Variants in ASAP1 observed in about 807,000 individuals in gnomAD.
ASAP1 encodes the protein ArfGAP with SH3 domain, ankyrin repeat and PH domain 1.
Under a neutral mutation model 145.2 loss-of-function variants are expected in ASAP1, and 43 were observed. The observed-to-expected ratio is 0.30, with a 90% CI of 0.23 to 0.38. The LOEUF (loss-of-function observed/expected upper bound fraction) is 0.38, where lower values mean the gene tolerates loss of function less well. Ranked by LOEUF, ASAP1 falls within the 10% of genes least tolerant of loss-of-function variation. The pLI is 1.00. For missense variants in ASAP1, 1,018 were observed against 1,355.3 expected (o/e 0.75, Z 3.91); for synonymous variants, 546 against 515.5 (o/e 1.06, Z -0.80).
At chr8:130,187,190 A>G (rs762768052) in intron 7 of ASAP1, 46 bp downstream of exon 7, 1 of 1,526,224 alleles carries the variant, frequency 6.6e-7, no homozygotes, top group Non-Finnish European at 8.9e-7. Context: ...AAAATTCACA[A>G]CAATATTAAA....
At chr8:130,191,673 C>A (rs949958004) in intron 5 of ASAP1, among the ~76,000 whole-genome samples, 65 of 152,180 alleles carry the variant, frequency 4.3e-4, no homozygotes, top group African/African-American at 1.4e-3. Context: ...CCCTCTTAAC[C>A]ACATCTGTAA....
chr8:130,271,875 T>C (rs1284496593), intron 3 of ASAP1, among the ~76,000 whole-genome samples: 9 of 152,202 alleles, frequency 5.9e-5, no homozygotes, highest in Admixed American at 5.2e-4. Context: ...TCCTCCCATT[T>C]TGTTATTTTT....
chr8:130,438,923 A>C (rs1227390351), intron 1 of ASAP1, among the ~76,000 whole-genome samples: 1 of 152,184 alleles, frequency 6.6e-6, no homozygotes. Flanking sequence ...CCAGGCTGCA[A>C]AGATATCCTC....
chr8:130,153,359 G>GTATATA lies in ASAP1; in HGVS notation c.1011-560_1011-555dup, dbSNP rs1208128915. On this transcript the variant is annotated intron_variant, in intron 12 of 29. Transcript: ENST00000518721. ...TATATATATATATATATATATATAT[G>GTATATA]TATATATATATATATATATATATAT... Among the ~76,000 whole-genome samples, 81 of 28,926 alleles carry GTATATA rather than the reference G, an allele frequency of 2.8e-3. 1 individual carries two copies. The East Asian group carries it at 0.049, about 18-fold the overall frequency. The allele number at this position is 28,926 out of a possible 152,430, so 19.0% of individuals were successfully genotyped here.
intron 3 of ASAP1, among the ~76,000 whole-genome samples, chr8:130,300,143 CACACACACACAGAG>C (rs1253594007): frequency 6.3e-5 from 7 of 111,662 alleles, no homozygotes; most frequent in South Asian, 2.9e-4. Context: ...CACACACACA[CACACACACACAGAG>C]AGAGAGAGAG....
intron 27 of ASAP1, among the ~76,000 whole-genome samples, chr8:130,068,982 A>G (rs1477751617): frequency 6.6e-6 from 1 of 152,192 alleles, no homozygotes; most frequent in Non-Finnish European, 1.5e-5. Flanking sequence ...CATGGGTCTT[A>G]TAGATGCTAA....
chr8:130,152,708 G>C, intron 13 of ASAP1, 28 bp downstream of exon 13: 4 of 1,573,038 alleles, frequency 2.5e-6, no homozygotes, highest in Non-Finnish European at 3.5e-6. Context: ...TGGCCCATGA[G>C]GCAGGGTAAA....
intron 27 of ASAP1, among the ~76,000 whole-genome samples, chr8:130,071,722 C>T (rs988972506): frequency 6.6e-6 from 1 of 152,148 alleles, no homozygotes; most frequent in Non-Finnish European, 1.5e-5. Context: ...TTACCCAGAC[C>T]ACTCCTGCTT....
At chr8:130,300,184 A>AGAGAGAGAGAGAGAGAGC (rs761456724) in intron 3 of ASAP1, among the ~76,000 whole-genome samples, 2 of 140,282 alleles carry the variant, frequency 1.4e-5, no homozygotes, top group African/African-American at 5.6e-5. Flanking sequence ...AGAGAGAGAG[A>AGAGAGAGAGAGAGAGAGC]GAGCGAGCGA....
intron 5 of ASAP1, among the ~76,000 whole-genome samples, chr8:130,213,716 G>A (rs1816721451): frequency 1.3e-5 from 2 of 152,118 alleles, no homozygotes; most frequent in South Asian, 2.1e-4. Flanking sequence ...CCTTTCTCTG[G>A]GGACTTAGGA....
intron 3 of ASAP1, among the ~76,000 whole-genome samples, chr8:130,316,858 G>GA (rs1823692437): frequency 6.6e-6 from 1 of 152,234 alleles, no homozygotes; most frequent in South Asian, 2.1e-4. Flanking sequence ...GCAGCTCAAT[G>GA]TAAATAATTA....
In ASAP1 at chr8:130,112,140, T is replaced by C. The variant is rs1210933783; in HGVS notation, c.2355A>G (p.Ser785=). ...FVSTSTDSPT[S]PTTEAPPLPP... ...GCAGAGGGGGAGCCTCCGTGGTTGG[T>C]GATGTGGGCGAGTCTGTGCTTGTGG... The change falls in exon 24 of 30, where the codon TCA becomes TCG. Residue 785 remains serine (S), a synonymous_variant. Coordinates refer to ENST00000518721, the MANE Select transcript of ASAP1 (RefSeq NM_018482.4). 2 of 1,614,044 alleles carry C rather than the reference T, an allele frequency of 1.2e-6. No individual in the cohort carries two copies. The highest frequency in any genetic ancestry group is 1.7e-5 in the Admixed American group (1 of 60,014).
intron 3 of ASAP1, among the ~76,000 whole-genome samples, chr8:130,291,161 A>T (rs1821922376): frequency 6.6e-6 from 1 of 152,236 alleles, no homozygotes; most frequent in Non-Finnish European, 1.5e-5. Context: ...GAAAACTGGT[A>T]TGTAAATGGA....
chr8:130,327,457 C>T (rs866966032), intron 3 of ASAP1, among the ~76,000 whole-genome samples: 5 of 152,316 alleles, frequency 3.3e-5, no homozygotes, highest in Middle Eastern at 3.4e-3. Context: ...GAACATCTCA[C>T]AGCACAGGCA....
At chr8:130,327,554 G>C (rs1353706937) in intron 3 of ASAP1, among the ~76,000 whole-genome samples, 1 of 152,182 alleles carries the variant, frequency 6.6e-6, no homozygotes, top group East Asian at 1.9e-4. Context: ...TGACTCTACT[G>C]AGACGGGTAA....
intron 3 of ASAP1, among the ~76,000 whole-genome samples, chr8:130,277,805 T>G (rs191163693): frequency 0.035 from 5,298 of 152,164 alleles, 124 homozygotes; most frequent in Middle Eastern, 0.065. Flanking sequence ...GCCACTCATA[T>G]TGTGTCTGTT....
chr8:130,300,630 T>C (rs1408452270), intron 3 of ASAP1, among the ~76,000 whole-genome samples: 2 of 152,230 alleles, frequency 1.3e-5, no homozygotes, highest in African/African-American at 2.4e-5. Context: ...CATCATTTCT[T>C]AGGCTAATAG....
At chr8:130,306,941 T>C (rs1286178561) in intron 3 of ASAP1, among the ~76,000 whole-genome samples, 1 of 152,198 alleles carries the variant, frequency 6.6e-6, no homozygotes, top group Non-Finnish European at 1.5e-5. Context: ...CTGTACTAGC[T>C]CCCTCAGTAT....
At chr8:130,201,439 G>A (rs1298403393) in intron 5 of ASAP1, among the ~76,000 whole-genome samples, 1 of 152,148 alleles carries the variant, frequency 6.6e-6, no homozygotes, top group Non-Finnish European at 1.5e-5. Flanking sequence ...GAGTACCAGG[G>A]AATATGAGAA....
Sources: gnomAD v4.1 joint callset for allele counts (sites outside exome capture counted in the v4.1 genomes callset) on GRCh38, gnomAD v4.1.1 for gene constraint, MANE v1.5 for transcripts, NCBI Gene and HGNC (gene_info 2026-07-23, HGNC 2026-07-21) for gene names.